ENO1: variants seen among roughly 807,000 people sequenced by gnomAD.
ENO1 encodes alpha-enolase.
In ENO1, 33 loss-of-function variants were observed where a neutral mutation model predicts 46.3. The ratio of observed to expected loss-of-function variants is 0.71; its 90% confidence interval spans 0.54 to 0.95. ENO1 has a LOEUF of 0.95. Ranked by LOEUF, ENO1 falls within the 40% of genes least tolerant of loss-of-function variation. The pLI is 0.00. For synonymous variants in ENO1, 220 were observed against 216.0 expected, an observed-to-expected ratio of 1.02 and a Z score of -0.16; for missense variants, 488 against 553.3, an observed-to-expected ratio of 0.88 and a Z score of 1.18.
intron 2 of ENO1, among the ~76,000 whole-genome samples, chr1:8,872,486 G>A (rs1330154193): frequency 1.3e-5 from 2 of 151,986 alleles, no homozygotes; most frequent in African/African-American, 2.4e-5. Flanking sequence ...GGGTTCAAGC[G>A]ATTCTCCTGC....
intron 1 of ENO1, among the ~76,000 whole-genome samples, chr1:8,875,327 G>A (rs1557588138): frequency 6.6e-6 from 1 of 151,846 alleles, no homozygotes; most frequent in African/African-American, 2.4e-5. Flanking sequence ...AAAAGAGAGA[G>A]AAAAAGCCCA....
intron 7 of ENO1, chr1:8,866,066 G>A: frequency 2.1e-6 from 1 of 467,734 alleles, no homozygotes; most frequent in Middle Eastern, 5.8e-4. Flanking sequence ...GGGCGACAGA[G>A]ACTCCATCTC....
chr1:8,874,687 C>G (rs1642701152), intron 2 of ENO1, 137 bp downstream of exon 2: 2 of 582,082 alleles, frequency 3.4e-6, no homozygotes, highest in Non-Finnish European at 5.7e-6. Context: ...AGTCAGGAAT[C>G]ACAACCTACT....
Position 8,870,548 on chromosome 1 carries a change from T to C in ENO1, c.182-38A>G, listed in dbSNP as rs765196468. 3.1e-6 allele frequency: 5 copies of C among 1,613,758 alleles called. No individual in the cohort carries two copies. The South Asian group carries it at 5.5e-5, about 18-fold the overall frequency. Reference sequence around the variant, plus strand: ...ATCAAATCAAATTACTGACATTAACTTTAAAACAGGCTTGAGCAGCATTGT... The same window carrying C: ...ATCAAATCAAATTACTGACATTAACCTTAAAACAGGCTTGAGCAGCATTGT... On this transcript the variant is annotated intron_variant, in intron 3 of 11. Transcript: ENST00000234590.
At position 8,863,992 on chromosome 1, in the gene ENO1, C is replaced by T; in HGVS notation, c.966G>A (p.Val322=). The change falls in exon 9 of 12, where the codon GTG becomes GTA. Residue 322 remains valine, a synonymous_variant. Coordinates refer to ENST00000234590, the MANE Select transcript of ENO1 (RefSeq NM_001428.5). ...GIQVVGDDLT[V]TNPKRIAKAV... is the part of the protein sequence containing the mutation. ...CCTTGGCGATCCTCTTTGGGTTGGT[C>T]ACTGTGAGATCATCCCCCACTACCT... 1.2e-6 allele frequency: 2 copies of T among 1,614,144 alleles called. No homozygotes were observed. The highest frequency in any genetic ancestry group is 1.7e-6 in the Non-Finnish European group (2 of 1,180,030).
chr1:8,871,450 C>T, intron 3 of ENO1: 2 of 999,870 alleles, frequency 2.0e-6, no homozygotes, highest in Non-Finnish European at 2.4e-6. Flanking sequence ...GACACACCTG[C>T]AGCTCACCAT....
At chr1:8,872,859 G>A (rs372162427) in intron 2 of ENO1, among the ~76,000 whole-genome samples, 72 of 152,274 alleles carry the variant, frequency 4.7e-4, no homozygotes, top group East Asian at 4.2e-3. Flanking sequence ...AATAAAATGC[G>A]CAGTTTAATA....
At chr1:8,864,519 C>G (rs1189246648) in intron 8 of ENO1, among the ~76,000 whole-genome samples, 1 of 152,140 alleles carries the variant, frequency 6.6e-6, no homozygotes, top group African/African-American at 2.4e-5. Context: ...GTTCCCTAGG[C>G]TGATCTCAAA....
Position 8,867,317 on chromosome 1 carries a change from T to C in ENO1, c.311-67A>G. On this transcript the variant is annotated intron_variant, in intron 5 of 11. Transcript: ENST00000234590. ...TTCACCAGCTTTTCTCCTGCTGTACTGCCCTGAGGGTTGTATTCTGCACCA... is the reference window on the plus strand; with the variant it reads ...TTCACCAGCTTTTCTCCTGCTGTACCGCCCTGAGGGTTGTATTCTGCACCA... 3 of 1,591,640 alleles carry C rather than the reference T, an allele frequency of 1.9e-6. No individual in the cohort carries two copies. The South Asian group carries it at 3.4e-5, about 18-fold the overall frequency.
chr1:8,863,167 C>A (rs781340109), intron 10 of ENO1, 68 bp downstream of exon 10: 3 of 1,557,954 alleles, frequency 1.9e-6, no homozygotes, highest in African/African-American at 2.7e-5. Context: ...AGACATGGAG[C>A]CTCACTGGTT....
At chr1:8,871,777 T>A in intron 3 of ENO1, 114 bp downstream of exon 3, 1 of 1,326,644 alleles carries the variant, frequency 7.5e-7, no homozygotes, top group Non-Finnish European at 1.1e-6. Flanking sequence ...TCACAGCAGG[T>A]TTACCTGCCA....
In ENO1 at chr1:8,863,029, A is replaced by G. The variant is rs896742085; in HGVS notation, c.1177-84T>C. The G allele has an allele frequency of 6.5e-6, 10 of 1,533,788 alleles. No individual in the cohort carries two copies. In the African/African-American group the frequency reaches 1.1e-4, roughly 17 times the overall value. On this transcript the variant is annotated intron_variant, in intron 10 of 11. Coordinates refer to ENST00000234590, the MANE Select transcript of ENO1 (RefSeq NM_001428.5). ...AGGGAGAGGGTGTGGTGTCAGAGAG[A>G]GAATTTCTAGAGGATCTGATGCTAG...
rs748376947 is a variant in ENO1, at chr1:8,866,399, G to A, written c.547C>T (p.Arg183Cys). Residue 183 changes from arginine to cysteine, a missense_variant, in exon 7 of 12, where the codon CGC becomes TGC. Physicochemically the swap from Arg to Cys is radical, Grantham distance 180. Transcript: ENST00000234590. ...VGAANFREAM[R>C]IGAEVYHNLK... ...TTGTGGTAAACCTCTGCTCCAATGC[G>A]CATGGCTTCCCTGAAGTTTGCTGCA... is the stretch of plus-strand genomic sequence containing the variant. 29 of 1,614,076 alleles carry A rather than the reference G, an allele frequency of 1.8e-5. No individual in the cohort carries two copies. The highest frequency in any genetic ancestry group is 1.6e-4 in the Middle Eastern group (1 of 6,084).
chr1:8,877,759 C>T (rs1362237786), intron 1 of ENO1: 1 of 152,128 alleles, frequency 6.6e-6, no homozygotes, highest in Non-Finnish European at 1.5e-5. Context: ...CCTGTAATCC[C>T]AGCTACTCGG....
At chr1:8,872,637 C>T (rs188409039) in intron 2 of ENO1, among the ~76,000 whole-genome samples, 5 of 152,262 alleles carry the variant, frequency 3.3e-5, no homozygotes, top group Non-Finnish European at 7.4e-5. Context: ...CCCACCTCGG[C>T]CTCCCAAAAT....
intron 2 of ENO1, chr1:8,873,981 G>A (rs1642686076): frequency 6.6e-6 from 1 of 152,196 alleles, no homozygotes; most frequent in Admixed American, 6.5e-5. Context: ...CTCCTATAGG[G>A]ATTGACAGCC....
intron 1 of ENO1, chr1:8,875,767 A>G (rs1642720604): frequency 1.3e-5 from 2 of 152,090 alleles, no homozygotes; most frequent in South Asian, 2.1e-4. Context: ...TAATGATAAC[A>G]TCTTTATTTT....
At chr1:8,862,496 G>A (rs990960152) in intron 11 of ENO1, among the ~76,000 whole-genome samples, 5 of 152,152 alleles carry the variant, frequency 3.3e-5, no homozygotes, top group African/African-American at 7.2e-5. Flanking sequence ...TGTGCCCTTC[G>A]GCCTTTTCTT....
In ENO1 at chr1:8,866,508, A is replaced by T; in HGVS notation, c.445-7T>A. 6.2e-7 allele frequency: 1 copy of T among 1,614,058 alleles called. No individual in the cohort carries two copies. Among genetic ancestry groups the T allele is most frequent in the Non-Finnish European group, 8.5e-7 (1 of 1,180,000 alleles). ...CATTGATGACATTGAACGCCTGGGGAGAGCAGAGCAGAGAAGCATGGCACT... is the reference window on the plus strand; with the variant it reads ...CATTGATGACATTGAACGCCTGGGGTGAGCAGAGCAGAGAAGCATGGCACT... On this transcript the variant is annotated splice_polypyrimidine_tract_variant and splice_region_variant and intron_variant, in intron 6 of 11. Transcript: ENST00000234590.
Sources: allele counts gnomAD v4.1 joint callset (sites outside exome capture counted in the v4.1 genomes callset), GRCh38; gene constraint gnomAD v4.1.1; transcripts MANE v1.5; gene names NCBI Gene and HGNC (gene_info 2026-07-23, HGNC 2026-07-21).